SLC22A9: variants seen among roughly 807,000 people sequenced by gnomAD.
SLC22A9 encodes organic anion transporter 7.
A neutral mutation model predicts 50.1 loss-of-function variants in SLC22A9; 64 were observed. The ratio of observed to expected loss-of-function variants is 1.28; its 90% confidence interval spans 1.04 to 1.57. The LOEUF is 1.57. SLC22A9 is among the 40% of genes most tolerant of loss of function. SLC22A9 has a pLI of 0.00. For missense variants in SLC22A9, 757 were observed against 676.1 expected (o/e 1.12, Z -1.33); for synonymous variants, 261 against 242.5 (o/e 1.08, Z -0.71).
At chr11:63,384,304 C>T (rs2014622129) in intron 6 of SLC22A9, among the ~76,000 whole-genome samples, 1 of 152,132 alleles carries the variant, frequency 6.6e-6, no homozygotes, top group Admixed American at 6.6e-5. Context: ...GCACCCAACC[C>T]CCAACAGGTC....
At chr11:63,379,968 G>C (rs569831398) in intron 5 of SLC22A9, among the ~76,000 whole-genome samples, 6 of 152,130 alleles carry the variant, frequency 3.9e-5, no homozygotes, top group Non-Finnish European at 7.4e-5. Context: ...CTGACCTCAA[G>C]TGATCCACCT....
At chr11:63,375,849 G>T (rs2014452697) in intron 5 of SLC22A9, 81 bp downstream of exon 5, 10 of 1,522,570 alleles carry the variant, frequency 6.6e-6, no homozygotes, top group East Asian at 2.3e-5. Context: ...GTGTCCATAA[G>T]GTAAAAAAAG....
At chr11:63,393,986 C>T (rs2014808756) in intron 6 of SLC22A9, among the ~76,000 whole-genome samples, 1 of 152,178 alleles carries the variant, frequency 6.6e-6, no homozygotes, top group East Asian at 1.9e-4. Flanking sequence ...GGATTTTGTT[C>T]ATTCCTTTTC....
chr11:63,375,858 A>T, intron 5 of SLC22A9, 90 bp downstream of exon 5: 4 of 1,506,344 alleles, frequency 2.7e-6, no homozygotes, highest in Non-Finnish European at 3.6e-6. Context: ...AGGTAAAAAA[A>T]GGAAAGAAAC....
chr11:63,408,972 C>T lies in SLC22A9; in HGVS notation c.1601+93C>T, dbSNP rs1022177488. ...ATACCATTTAGGGCCACTGTCCTCTCAAAAGGCTTAGACTTAGGATTTTCC... is the reference window on the plus strand; with the variant it reads ...ATACCATTTAGGGCCACTGTCCTCTTAAAAGGCTTAGACTTAGGATTTTCC... On this transcript the variant is annotated intron_variant, in intron 9 of 9. Coordinates refer to ENST00000279178, the MANE Select transcript of SLC22A9 (RefSeq NM_080866.3). 88 of 1,348,828 alleles carry T rather than the reference C, an allele frequency of 6.5e-5. No homozygotes were observed. In the East Asian group the frequency reaches 2.0e-3, roughly 31 times the overall value. The allele number at this position is 1,348,828 out of a possible 1,614,324, so 83.6% of individuals were successfully genotyped here. A position where few individuals can be genotyped will look rare whatever the true frequency, so the allele number is the denominator to read the frequency against.
intron 4 of SLC22A9, 116 bp downstream of exon 4, chr11:63,374,178 A>AGG: frequency 5.0e-6 from 5 of 990,708 alleles, no homozygotes; most frequent in Non-Finnish European, 7.1e-6. Context: ...ACGTCCTCTC[A>AGG]TAATCTGTGC....
At chr11:63,383,216 C>A (rs914666937) in intron 6 of SLC22A9, among the ~76,000 whole-genome samples, 1 of 152,028 alleles carries the variant, frequency 6.6e-6, no homozygotes, top group African/African-American at 2.4e-5. Context: ...AGTATGTGTC[C>A]AACATTCTAA....
chr11:63,382,518 G>A (rs1031994651), intron 6 of SLC22A9, among the ~76,000 whole-genome samples: 4 of 152,132 alleles, frequency 2.6e-5, no homozygotes, highest in Non-Finnish European at 4.4e-5. Context: ...GGACACCAAC[G>A]CAGAGAACTT....
intron 6 of SLC22A9, among the ~76,000 whole-genome samples, chr11:63,385,787 C>A (rs774731972): frequency 3.9e-5 from 6 of 152,082 alleles, no homozygotes; most frequent in Non-Finnish European, 8.8e-5. Flanking sequence ...CCCTTTATTT[C>A]TTTCTCTTTC....
chr11:63,371,546 G>T (rs527776500), intron 2 of SLC22A9, among the ~76,000 whole-genome samples: 16 of 152,244 alleles, frequency 1.1e-4, no homozygotes, highest in East Asian at 5.8e-4. Flanking sequence ...AAAGGAAGAC[G>T]TTTCATCACA....
intron 6 of SLC22A9, among the ~76,000 whole-genome samples, chr11:63,390,214 A>G (rs927571958): frequency 3.3e-5 from 5 of 152,014 alleles, no homozygotes; most frequent in African/African-American, 1.2e-4. Context: ...CTTTTGTTGC[A>G]ATTGCTTTTG....
At chr11:63,401,142 G>A (rs1253670058) in intron 6 of SLC22A9, among the ~76,000 whole-genome samples, 4 of 152,058 alleles carry the variant, frequency 2.6e-5, no homozygotes, top group South Asian at 4.2e-4. Flanking sequence ...AGTAGTGGAC[G>A]TCCTACCCAG....
At chr11:63,393,997 A>G (rs1325359708) in intron 6 of SLC22A9, among the ~76,000 whole-genome samples, 2 of 151,924 alleles carry the variant, frequency 1.3e-5, no homozygotes, top group African/African-American at 2.4e-5. Context: ...ATTCCTTTTC[A>G]TTCTTTTTTC....
intron 6 of SLC22A9, among the ~76,000 whole-genome samples, chr11:63,392,313 T>C (rs1230831092): frequency 6.6e-6 from 1 of 152,090 alleles, no homozygotes; most frequent in Non-Finnish European, 1.5e-5. Flanking sequence ...CATTGAGTTT[T>C]GTACATTCAG....
intron 6 of SLC22A9, among the ~76,000 whole-genome samples, chr11:63,398,147 C>T (rs1234437569): frequency 1.3e-5 from 2 of 152,188 alleles, no homozygotes; most frequent in Admixed American, 6.5e-5. Flanking sequence ...CAGTACGTTT[C>T]CTTCTGCCCC....
chr11:63,381,750 T>C (rs1196151099), intron 5 of SLC22A9, among the ~76,000 whole-genome samples: 1 of 152,148 alleles, frequency 6.6e-6, no homozygotes, highest in African/African-American at 2.4e-5. Flanking sequence ...GCAAGCTGTT[T>C]TTCACCAGGG....
At chr11:63,382,079 T>C in intron 5 of SLC22A9, 80 bp from the exon 6 acceptor site, 2 of 953,480 alleles carry the variant, frequency 2.1e-6, no homozygotes, top group East Asian at 2.5e-5. Context: ...TCACTTCTCA[T>C]CTGTGGGTTG....
intron 6 of SLC22A9, among the ~76,000 whole-genome samples, chr11:63,403,064 A>G (rs1000018220): frequency 6.6e-6 from 1 of 152,134 alleles, no homozygotes; most frequent in African/African-American, 2.4e-5. Flanking sequence ...CAATTGGATA[A>G]ATGGACAGAT....
intron 9 of SLC22A9, 93 bp downstream of exon 9, chr11:63,408,972 CA>C: frequency 7.4e-7 from 1 of 1,348,946 alleles, no homozygotes; most frequent in Non-Finnish European, 1.1e-6. Flanking sequence ...ACTGTCCTCT[CA>C]AAAGGCTTAG....
Sources: allele counts gnomAD v4.1 joint callset (sites outside exome capture counted in the v4.1 genomes callset), GRCh38; gene constraint gnomAD v4.1.1; transcripts MANE v1.5; gene names NCBI Gene and HGNC (gene_info 2026-07-23, HGNC 2026-07-21).